The following SLC44A5 variants were observed in gnomAD, a reference collection of about 807,000 sequenced individuals.
SLC44A5 encodes the protein choline transporter-like protein 5.
SLC44A5 carries 57 observed loss-of-function variants against 101.8 expected under a neutral mutation model. The ratio of observed to expected loss-of-function variants is 0.56; its 90% CI spans 0.45 to 0.70. The LOEUF is 0.70. Among genes scored for constraint, SLC44A5 ranks in the 30% least tolerant of loss-of-function variants. The probability of loss-of-function intolerance (pLI) is 0.00; values close to 1 mark genes in which losing one functional copy is unlikely to be tolerated. For missense variants in SLC44A5, 737 were observed against 853.1 expected, an observed-to-expected ratio of 0.86 and a Z score of 1.70; for synonymous variants, 281 against 290.9, an observed-to-expected ratio of 0.97 and a Z score of 0.35.
At chr1:75,298,835 A>G (rs1370692386) in intron 5 of SLC44A5, among the ~76,000 whole-genome samples, 1 of 152,202 alleles carries the variant, frequency 6.6e-6, no homozygotes, top group Non-Finnish European at 1.5e-5. Context: ...ACAAACTACT[A>G]CCCAGAACTG....
chr1:75,206,387 G>A (rs17096406), intron 23 of SLC44A5: 31,000 of 425,756 alleles, frequency 0.073, 1,628 homozygotes, highest in African/African-American at 0.18. Flanking sequence ...TTTAAAAAAC[G>A]TTTGACATTA....
At chr1:75,463,292 C>T (rs369862135) in intron 2 of SLC44A5, among the ~76,000 whole-genome samples, 14 of 151,724 alleles carry the variant, frequency 9.2e-5, no homozygotes, top group Admixed American at 4.6e-4. Flanking sequence ...CGGTGGCAGG[C>T]GCCTGTAGTC....
intron 1 of SLC44A5, among the ~76,000 whole-genome samples, chr1:75,587,669 T>C (rs188417218): frequency 6.6e-6 from 1 of 152,366 alleles, no homozygotes; most frequent in East Asian, 1.9e-4. Context: ...TCTTTCAAAG[T>C]ATATATTAAG....
At chr1:75,445,592 C>CTT (rs1665526984) in intron 2 of SLC44A5, among the ~76,000 whole-genome samples, 1 of 80,184 alleles carries the variant, frequency 1.2e-5, no homozygotes, top group Admixed American at 1.3e-4. Flanking sequence ...GATTTTTCTC[C>CTT]TCTTCCTGAC....
intron 20 of SLC44A5, 106 bp from the exon 21 acceptor site, chr1:75,214,095 T>C: frequency 1.4e-6 from 1 of 721,102 alleles, no homozygotes; most frequent in Non-Finnish European, 2.4e-6. Context: ...GTGTCTTTGC[T>C]GAAATTGTAT....
chr1:75,234,829 G>A (rs1159588621), intron 11 of SLC44A5, among the ~76,000 whole-genome samples: 2 of 152,020 alleles, frequency 1.3e-5, no homozygotes, highest in East Asian at 3.9e-4. Context: ...AACTACTAGA[G>A]AAGCTTCTTT....
the SLC44A5 span, among the ~76,000 whole-genome samples, chr1:75,670,532 A>G: frequency 2.0e-5 from 3 of 152,204 alleles, no homozygotes; most frequent in African/African-American, 7.2e-5. Context: ...ATATTTGACA[A>G]TTATATAAAT....
intron 5 of SLC44A5, among the ~76,000 whole-genome samples, chr1:75,276,544 C>T (rs945239380): frequency 7.2e-5 from 11 of 151,902 alleles, no homozygotes; most frequent in Admixed American, 2.0e-4. Context: ...TATTTTGAGT[C>T]CTGACTTTCT....
intron 7 of SLC44A5, among the ~76,000 whole-genome samples, chr1:75,243,490 C>T (rs1035457179): frequency 6.6e-6 from 1 of 151,968 alleles, no homozygotes; most frequent in Admixed American, 6.6e-5. Context: ...TACTAGTTAC[C>T]AATCTCTATT....
intron 10 of SLC44A5, among the ~76,000 whole-genome samples, chr1:75,238,036 C>A (rs145944147): frequency 1.4e-4 from 21 of 152,050 alleles, no homozygotes; most frequent in Admixed American, 7.2e-4. Context: ...CTGCATTATA[C>A]TTAGTACATA....
At chr1:75,621,289 A>G in the SLC44A5 span, among the ~76,000 whole-genome samples, 1 of 152,192 alleles carries the variant, frequency 6.6e-6, no homozygotes, top group Non-Finnish European at 1.5e-5. Context: ...TGAAATGGTA[A>G]CATTAGTTAC....
chr1:75,649,053 A>G, the SLC44A5 span, among the ~76,000 whole-genome samples: 1 of 152,194 alleles, frequency 6.6e-6, no homozygotes, highest in Non-Finnish European at 1.5e-5. Context: ...CTATTGGGTA[A>G]CTAACTCTGT....
chr1:75,692,220 G>T, the SLC44A5 span, among the ~76,000 whole-genome samples: 1 of 120,390 alleles, frequency 8.3e-6, no homozygotes. Context: ...CTGAGACAGA[G>T]TCTCGCTCTG....
the SLC44A5 span, among the ~76,000 whole-genome samples, chr1:75,700,569 T>G: frequency 6.6e-6 from 1 of 152,046 alleles, no homozygotes; most frequent in Non-Finnish European, 1.5e-5. Context: ...GATCTAAAAT[T>G]GACACTCTAA....
In SLC44A5 at chr1:75,300,699, A is replaced by C; in HGVS notation, c.102-14T>G. The C allele has an allele frequency of 6.5e-7, 1 of 1,550,386 alleles. No homozygotes were observed. Among genetic ancestry groups the C allele is most frequent in the Non-Finnish European group, 8.7e-7 (1 of 1,149,326 alleles). On this transcript the variant is annotated splice_polypyrimidine_tract_variant and intron_variant, in intron 4 of 23. Transcript: ENST00000370859. ...TCTGTACAACTCCTAAAGACAAAAA[A>C]AGAAATAAATAATTAAAAGAGGTCC...
chr1:75,701,355 C>T, the SLC44A5 span, among the ~76,000 whole-genome samples: 71,779 of 151,962 alleles, frequency 0.47, 18,794 homozygotes, highest in East Asian at 0.72. Context: ...GTTCAACATA[C>T]GCAAATCAAT....
the SLC44A5 span, among the ~76,000 whole-genome samples, chr1:75,687,449 G>A: frequency 6.6e-6 from 1 of 151,648 alleles, no homozygotes; most frequent in African/African-American, 2.4e-5. Context: ...GATTACAGGC[G>A]CCCACCAACA....
At chr1:75,295,191 TA>T (rs958409476) in intron 5 of SLC44A5, among the ~76,000 whole-genome samples, 1 of 146,678 alleles carries the variant, frequency 6.8e-6, no homozygotes, top group Non-Finnish European at 1.5e-5. Flanking sequence ...CTCATAAAGC[TA>T]AAAAATTAAA....
intron 1 of SLC44A5, among the ~76,000 whole-genome samples, chr1:75,591,445 G>A (rs1674347450): frequency 6.6e-6 from 1 of 152,120 alleles, no homozygotes; most frequent in African/African-American, 2.4e-5. Context: ...TATGCTGTTG[G>A]ATTTGATTAC....
Sources: allele counts gnomAD v4.1 joint callset (sites outside exome capture counted in the v4.1 genomes callset), GRCh38; gene constraint gnomAD v4.1.1; transcripts MANE v1.5; gene names NCBI Gene and HGNC (gene_info 2026-07-23, HGNC 2026-07-21).